Variants in NAALADL2 observed in about 807,000 individuals in gnomAD.
NAALADL2 encodes N-acetylated alpha-linked acidic dipeptidase like 2.
A neutral mutation model predicts 87.2 loss-of-function variants in NAALADL2; 76 were observed. The ratio of observed to expected loss-of-function variants is 0.87; its 90% confidence interval spans 0.72 to 1.05. NAALADL2 has a LOEUF of 1.05. NAALADL2 is among the 50% of genes least tolerant of loss of function. NAALADL2 has a pLI of 0.00. For synonymous variants in NAALADL2, 354 were observed against 331.0 expected, an observed-to-expected ratio of 1.07 and a Z score of -0.75; for missense variants, 1,089 against 945.8, an observed-to-expected ratio of 1.15 and a Z score of -1.99.
intron 5 of NAALADL2, among the ~76,000 whole-genome samples, chr3:175,382,120 A>AT (rs1213606456): frequency 1.3e-5 from 2 of 152,114 alleles, no homozygotes; most frequent in African/African-American, 4.8e-5. Context: ...GTACTCTTGT[A>AT]TTTTTTCACC....
intron 5 of NAALADL2, among the ~76,000 whole-genome samples, chr3:175,366,963 G>A (rs1765675865): frequency 1.3e-5 from 2 of 151,492 alleles, no homozygotes; most frequent in African/African-American, 2.4e-5. Context: ...GTAATGCCTA[G>A]GTTTTCTTCT....
intron 9 of NAALADL2, among the ~76,000 whole-genome samples, chr3:175,479,266 A>G (rs1726125404): frequency 2.0e-5 from 3 of 152,002 alleles, no homozygotes; most frequent in South Asian, 2.1e-4. Context: ...AAGGTAATCA[A>G]TGTAATAATA....
chr3:175,538,405 C>T (rs938034458), intron 9 of NAALADL2, among the ~76,000 whole-genome samples: 11 of 151,636 alleles, frequency 7.3e-5, no homozygotes, highest in Admixed American at 5.9e-4. Flanking sequence ...TGTATTTCAG[C>T]TATAAGGCAG....
At chr3:174,822,233 T>A (rs1721509159) in intron 3 of NAALADL2, among the ~76,000 whole-genome samples, 2 of 151,832 alleles carry the variant, frequency 1.3e-5, no homozygotes, top group Non-Finnish European at 2.9e-5. Flanking sequence ...TGAGAGCGGA[T>A]AGACCCTGAG....
chr3:175,169,500 G>T (rs1734477461), intron 2 of NAALADL2, among the ~76,000 whole-genome samples: 2 of 150,490 alleles, frequency 1.3e-5, no homozygotes, highest in South Asian at 4.2e-4. Context: ...AAATGATAAT[G>T]GTATTTTTGA....
intron 9 of NAALADL2, among the ~76,000 whole-genome samples, chr3:175,540,982 A>G (rs1712218341): frequency 1.3e-5 from 2 of 152,208 alleles, no homozygotes; most frequent in Admixed American, 1.3e-4. Flanking sequence ...AAGATGATTT[A>G]GTATAAATGC....
At chr3:174,646,313 A>C (rs572020870) in intron 2 of NAALADL2, among the ~76,000 whole-genome samples, 1 of 152,266 alleles carries the variant, frequency 6.6e-6, no homozygotes, top group African/African-American at 2.4e-5. Context: ...TTGCTTTATT[A>C]AGTCATGGGA....
chr3:175,374,581 AAAAAG>A (rs1189481347), intron 5 of NAALADL2, among the ~76,000 whole-genome samples: 2 of 146,910 alleles, frequency 1.4e-5, no homozygotes, highest in African/African-American at 5.2e-5. Context: ...AAAAAAAAAA[AAAAAG>A]AAAGTTATAT....
intron 5 of NAALADL2, among the ~76,000 whole-genome samples, chr3:175,325,109 A>G (rs555034558): frequency 6.6e-5 from 10 of 152,200 alleles, no homozygotes; most frequent in Non-Finnish European, 1.3e-4. Flanking sequence ...AAACTAACCC[A>G]AAAAATTATG....
chr3:174,894,952 G>A (rs1248868807), intron 1 of NAALADL2, among the ~76,000 whole-genome samples: 1 of 152,044 alleles, frequency 6.6e-6, no homozygotes, highest in Admixed American at 6.6e-5. Context: ...AAGAAATCAA[G>A]AAGGAAAGTG....
At position 175,697,927 on chromosome 3, in the gene NAALADL2, A is replaced by G. The variant is rs1263378022; in HGVS notation, c.1897-39379A>G. Among the ~76,000 whole-genome samples the G allele has an allele frequency of 4.2e-3, 112 of 26,522 alleles. 1 individual carries two copies. The highest frequency in any genetic ancestry group is 9.2e-3 in the African/African-American group (57 of 6,210). 17.4% of individuals were successfully genotyped at this position (26,522 alleles called of 152,430 possible). On this transcript the variant is annotated intron_variant, in intron 11 of 13. Transcript: ENST00000454872. Reference sequence around the variant, plus strand: ...CATATATATGTGTATATATGTATGTATACATATATATGTGTATATATGTAT... The same window carrying G: ...CATATATATGTGTATATATGTATGTGTACATATATATGTGTATATATGTAT...
intron 2 of NAALADL2, among the ~76,000 whole-genome samples, chr3:175,215,872 C>T (rs1410323723): frequency 2.0e-5 from 3 of 152,096 alleles, no homozygotes; most frequent in Admixed American, 2.0e-4. Context: ...TGGGTCTAGT[C>T]AGATAGACAG....
chr3:175,699,592 T>G (rs531589498), intron 11 of NAALADL2, among the ~76,000 whole-genome samples: 7 of 152,048 alleles, frequency 4.6e-5, no homozygotes, highest in Non-Finnish European at 7.4e-5. Flanking sequence ...CTCCGATTAT[T>G]TTCTCAACTT....
At chr3:175,513,010 C>T (rs1731363906) in intron 9 of NAALADL2, among the ~76,000 whole-genome samples, 1 of 152,162 alleles carries the variant, frequency 6.6e-6, no homozygotes, top group Non-Finnish European at 1.5e-5. Flanking sequence ...CAAGAAGCTA[C>T]TCTAAAATAT....
intron 4 of NAALADL2, among the ~76,000 whole-genome samples, chr3:175,293,404 A>G (rs1262812810): frequency 6.6e-6 from 1 of 152,208 alleles, no homozygotes; most frequent in Non-Finnish European, 1.5e-5. Flanking sequence ...AATAGTAGCT[A>G]TTGTTAGCAC....
intron 3 of NAALADL2, among the ~76,000 whole-genome samples, chr3:174,805,372 T>G (rs1316741942): frequency 6.6e-6 from 1 of 152,154 alleles, no homozygotes; most frequent in Non-Finnish European, 1.5e-5. Flanking sequence ...GAAGCAACTA[T>G]TTTTTTCTGT....
At chr3:175,253,120 G>T (rs889149068) in intron 3 of NAALADL2, among the ~76,000 whole-genome samples, 5 of 152,174 alleles carry the variant, frequency 3.3e-5, no homozygotes, top group African/African-American at 4.8e-5. Flanking sequence ...ACAGCCTTAG[G>T]TTGGAAGAAG....
At chr3:175,545,579 G>T (rs1385301786) in intron 9 of NAALADL2, among the ~76,000 whole-genome samples, 1 of 152,008 alleles carries the variant, frequency 6.6e-6, no homozygotes, top group Non-Finnish European at 1.5e-5. Context: ...CCTGCTAAAA[G>T]CACTGTATCT....
Position 175,755,269 on chromosome 3 carries a change from G to T in NAALADL2, c.2040G>T (p.Arg680=). ...TGTTAGCCATGGCGTTACGCCTGCG[G>T]GAGAGTGCTGAACTTTTTCAGTCTG... The part of the protein sequence containing the change: ...HQLLAMALRL[R]ESAELFQSDE... Residue 680 remains arginine (R), a synonymous_variant, in exon 13 of 14, where the codon CGG becomes CGT. Coordinates refer to ENST00000454872, the MANE Select transcript of NAALADL2 (RefSeq NM_207015.3). 6.2e-7 allele frequency: 1 copy of T among 1,613,542 alleles called. No homozygotes were observed. Among genetic ancestry groups the T allele is most frequent in the Middle Eastern group, 1.7e-4 (1 of 6,012 alleles).
Sources: allele counts gnomAD v4.1 joint callset (sites outside exome capture counted in the v4.1 genomes callset), GRCh38; gene constraint gnomAD v4.1.1; transcripts MANE v1.5; gene names NCBI Gene and HGNC (gene_info 2026-07-23, HGNC 2026-07-21).